The following ESR1 variants were observed in gnomAD, a reference collection of about 807,000 sequenced individuals.
The protein encoded by ESR1 is estrogen receptor 1.
ESR1 carries 12 observed loss-of-function variants against 52.7 expected under a neutral mutation model. That is an observed-to-expected ratio of 0.23 (90% CI 0.15 to 0.37). The LOEUF is 0.37. Among genes scored for constraint, ESR1 ranks in the 10% least tolerant of loss-of-function variants. The pLI is 1.00. For missense variants in ESR1, 584 were observed against 779.7 expected (o/e 0.75, Z 2.99); for synonymous variants, 305 against 316.8 (o/e 0.96, Z 0.39).
At chr6:152,028,550 G>A (rs925084178) in intron 5 of ESR1, among the ~76,000 whole-genome samples, 3 of 152,206 alleles carry the variant, frequency 2.0e-5, no homozygotes, top group African/African-American at 4.8e-5. Context: ...CTCATTGCTA[G>A]CACAGCAGTC....
At chr6:152,123,215 G>A (rs1263827554) in intron 6 of ESR1, among the ~76,000 whole-genome samples, 1 of 152,124 alleles carries the variant, frequency 6.6e-6, no homozygotes, top group African/African-American at 2.4e-5. Flanking sequence ...ATTAATCATA[G>A]AGCATACCCT....
chr6:152,104,768 C>T (rs2152512087), downstream of ESR1, among the ~76,000 whole-genome samples: 1 of 152,198 alleles, frequency 6.6e-6, no homozygotes. Flanking sequence ...GCAATAGAAA[C>T]TTCTTTTGTT....
chr6:152,073,319 AG>A (rs1337981730), intron 6 of ESR1, among the ~76,000 whole-genome samples: 1 of 152,220 alleles, frequency 6.6e-6, no homozygotes, highest in Non-Finnish European at 1.5e-5. Flanking sequence ...TAGGAATGAA[AG>A]GGACTTCGAT....
chr6:152,043,904 A>G (rs564203646), intron 5 of ESR1, among the ~76,000 whole-genome samples: 52 of 152,286 alleles, frequency 3.4e-4, no homozygotes, highest in African/African-American at 1.1e-3. Flanking sequence ...AGCCACTCAC[A>G]TGATAAGAGC....
chr6:151,894,167 CAT>C (rs544980284), intron 3 of ESR1, among the ~76,000 whole-genome samples: 239 of 152,180 alleles, frequency 1.6e-3, no homozygotes, highest in Non-Finnish European at 3.0e-3. Flanking sequence ...AGTATTTTTT[CAT>C]ATGTTTGTTG....
At chr6:151,772,569 T>G (rs1327838004) in intron 2 of ESR1, among the ~76,000 whole-genome samples, 1 of 152,150 alleles carries the variant, frequency 6.6e-6, no homozygotes, top group Non-Finnish European at 1.5e-5. Flanking sequence ...TTCTGGGGAT[T>G]TATGATTGAG....
chr6:152,000,408 A>G (rs1361662049), intron 4 of ESR1, among the ~76,000 whole-genome samples: 5 of 152,076 alleles, frequency 3.3e-5, no homozygotes, highest in Non-Finnish European at 7.4e-5. Context: ...GAAAAACTTA[A>G]CAGTCCTGTT....
At chr6:151,799,319 T>G (rs148215786) in intron 2 of ESR1, among the ~76,000 whole-genome samples, 1 of 152,328 alleles carries the variant, frequency 6.6e-6, no homozygotes, top group Non-Finnish European at 1.5e-5. Context: ...CTCAACAACT[T>G]ATAAAGAAAC....
In ESR1 at chr6:152,021,754, G is replaced by A. The variant is rs190263776; in HGVS notation, c.1235+9960G>A. Reference sequence around the variant, plus strand: ...TTCCCACGTGTTGTGGGAGGGACCCGGTGGGAGGTAATTGACTCATGGGGG... The same window carrying A: ...TTCCCACGTGTTGTGGGAGGGACCCAGTGGGAGGTAATTGACTCATGGGGG... On this transcript the variant is annotated intron_variant, in intron 5 of 7. Coordinates refer to ENST00000206249, the MANE Select transcript of ESR1 (RefSeq NM_000125.4). Among the ~76,000 whole-genome samples, 533 of 152,228 alleles carry A rather than the reference G, an allele frequency of 3.5e-3. 4 individuals are homozygous for A. The highest frequency in any genetic ancestry group is 8.1e-3 in the African/African-American group (337 of 41,524).
intron 3 of ESR1, among the ~76,000 whole-genome samples, chr6:151,911,208 G>A (rs574688777): frequency 6.6e-6 from 1 of 152,170 alleles, no homozygotes; most frequent in East Asian, 1.9e-4. Context: ...GAGAGTGTTT[G>A]TTCAAATATT....
chr6:152,082,217 A>G (rs2049285352), intron 6 of ESR1, among the ~76,000 whole-genome samples: 1 of 152,188 alleles, frequency 6.6e-6, no homozygotes, highest in East Asian at 1.9e-4. Flanking sequence ...TCCTCAATAA[A>G]ATACTGGCAA....
At chr6:151,952,310 A>G (rs576291321) in intron 4 of ESR1, among the ~76,000 whole-genome samples, 1 of 152,316 alleles carries the variant, frequency 6.6e-6, no homozygotes, top group South Asian at 2.1e-4. Context: ...ACTCTGGGAA[A>G]GACCTTTGTA....
chr6:152,108,582 T>C (rs2051095043), intron 6 of ESR1, among the ~76,000 whole-genome samples: 1 of 152,222 alleles, frequency 6.6e-6, no homozygotes, highest in Admixed American at 6.5e-5. Flanking sequence ...TTTATTTCTC[T>C]TATCAGAACA....
upstream of ESR1, among the ~76,000 whole-genome samples, chr6:151,803,211 A>C (rs1777436767): frequency 2.6e-5 from 4 of 152,178 alleles, no homozygotes; most frequent in Admixed American, 6.5e-5. Flanking sequence ...CAGCATGAGG[A>C]GATAAAAAAC....
At chr6:151,798,374 G>A (rs1336907862) in intron 2 of ESR1, among the ~76,000 whole-genome samples, 1 of 152,098 alleles carries the variant, frequency 6.6e-6, no homozygotes, top group Non-Finnish European at 1.5e-5. Context: ...GGTGAGAAAA[G>A]GGAACAAATT....
At chr6:151,801,031 T>C (rs1411723929), upstream of ESR1, among the ~76,000 whole-genome samples, 4 of 146,262 alleles carry the variant, frequency 2.7e-5, no homozygotes, top group Admixed American at 1.4e-4. Context: ...AAATTGGGGA[T>C]GGTTCTTGGT....
intron 4 of ESR1, among the ~76,000 whole-genome samples, chr6:151,962,685 C>G (rs563876928): frequency 5.3e-5 from 8 of 152,308 alleles, no homozygotes; most frequent in African/African-American, 1.9e-4. Flanking sequence ...TCTTTGATCT[C>G]TGGTGTTCTG....
chr6:152,029,401 T>G (rs1056001735), intron 5 of ESR1, among the ~76,000 whole-genome samples: 3 of 152,152 alleles, frequency 2.0e-5, no homozygotes, highest in Admixed American at 6.5e-5. Context: ...GAAAAAAGAT[T>G]AGACGAATGG....
At chr6:151,947,933 CTTA>C (rs1340928441) in intron 4 of ESR1, among the ~76,000 whole-genome samples, 1 of 152,052 alleles carries the variant, frequency 6.6e-6, no homozygotes, top group Non-Finnish European at 1.5e-5. Flanking sequence ...GACTTTTCTC[CTTA>C]TTGTTTGCTC....
Sources: gnomAD v4.1 joint callset for allele counts (sites outside exome capture counted in the v4.1 genomes callset) on GRCh38, gnomAD v4.1.1 for gene constraint, MANE v1.5 for transcripts, NCBI Gene and HGNC (gene_info 2026-07-23, HGNC 2026-07-21) for gene names.